The following SIPA1L1 variants were observed in gnomAD, a reference collection of about 807,000 sequenced individuals.
The protein encoded by SIPA1L1 is signal induced proliferation associated 1 like 1.
A neutral mutation model predicts 162.7 loss-of-function variants in SIPA1L1; 26 were observed. The observed-to-expected ratio is 0.16, with a 90% CI of 0.12 to 0.22. The LOEUF is 0.22. SIPA1L1 is among the 10% of genes least tolerant of loss of function. The probability of loss-of-function intolerance (pLI) is 1.00; values close to 1 mark genes in which losing one functional copy is unlikely to be tolerated. For missense variants in SIPA1L1, 1,874 were observed against 2,241.0 expected (o/e 0.84, Z 3.31); for synonymous variants, 829 against 837.4 (o/e 0.99, Z 0.17).
intron 2 of SIPA1L1, among the ~76,000 whole-genome samples, chr14:71,346,360 T>A (rs559235652): frequency 6.6e-6 from 1 of 152,290 alleles, no homozygotes; most frequent in South Asian, 2.1e-4. Flanking sequence ...GAGGTGGAAA[T>A]TTGACTAGTT....
chr14:71,389,825 G>T (rs1234461800), intron 2 of SIPA1L1, among the ~76,000 whole-genome samples: 2 of 152,164 alleles, frequency 1.3e-5, no homozygotes, highest in Non-Finnish European at 2.9e-5. Context: ...CAGACTGTCA[G>T]TGTGGTGCTG....
At chr14:71,420,176 T>C (rs1377334161) in intron 2 of SIPA1L1, among the ~76,000 whole-genome samples, 1 of 152,210 alleles carries the variant, frequency 6.6e-6, no homozygotes, top group Non-Finnish European at 1.5e-5. Context: ...TGCTTAGTAT[T>C]AGCCAGGATA....
At chr14:71,466,072 T>C (rs1333048326) in intron 2 of SIPA1L1, among the ~76,000 whole-genome samples, 2 of 152,208 alleles carry the variant, frequency 1.3e-5, no homozygotes, top group East Asian at 1.9e-4. Flanking sequence ...GGATCAATAC[T>C]TCACATCCTT....
intron 2 of SIPA1L1, among the ~76,000 whole-genome samples, chr14:71,445,986 C>G (rs2045314125): frequency 6.6e-6 from 1 of 152,086 alleles, no homozygotes; most frequent in Non-Finnish European, 1.5e-5. Flanking sequence ...GTAGCTGGGT[C>G]TACAGGCATT....
At chr14:71,468,288 T>C (rs779450763) in intron 2 of SIPA1L1, among the ~76,000 whole-genome samples, 33 of 152,220 alleles carry the variant, frequency 2.2e-4, no homozygotes, top group Non-Finnish European at 3.8e-4. Context: ...ATTCTTGCGT[T>C]GCTATAAAGA....
At chr14:71,331,654 CA>C (rs2034560059) in intron 2 of SIPA1L1, among the ~76,000 whole-genome samples, 2 of 152,204 alleles carry the variant, frequency 1.3e-5, no homozygotes, top group Non-Finnish European at 1.5e-5. Context: ...TCAGTTGCAT[CA>C]CAGTGATTTA....
chr14:71,627,077 G>T (rs1233602954), intron 7 of SIPA1L1, among the ~76,000 whole-genome samples: 1 of 137,910 alleles, frequency 7.3e-6, no homozygotes, highest in Admixed American at 7.4e-5. Flanking sequence ...AATTTTTTTA[G>T]CTTATCCAAG....
chr14:71,674,573 T>G (rs1251531279), intron 12 of SIPA1L1, among the ~76,000 whole-genome samples: 2 of 150,174 alleles, frequency 1.3e-5, no homozygotes, highest in Non-Finnish European at 3.0e-5. Flanking sequence ...TTTTTTTGTT[T>G]TTTTTTTTTT....
At chr14:71,603,451 T>G (rs964941768) in intron 5 of SIPA1L1, among the ~76,000 whole-genome samples, 2 of 152,086 alleles carry the variant, frequency 1.3e-5, no homozygotes, top group African/African-American at 4.8e-5. Flanking sequence ...TGTGATTTGG[T>G]GGTTTTCTTT....
At chr14:71,481,651 A>G (rs1170891500) in intron 2 of SIPA1L1, among the ~76,000 whole-genome samples, 3 of 152,368 alleles carry the variant, frequency 2.0e-5, no homozygotes, top group East Asian at 1.9e-4. Flanking sequence ...GTGGATTCCT[A>G]GTGAAAACAA....
intron 5 of SIPA1L1, chr14:71,598,263 G>A (rs914435193): frequency 4.1e-6 from 4 of 977,552 alleles, no homozygotes; most frequent in Admixed American, 6.2e-5. Context: ...ACAACTGATG[G>A]AAGCTAAAAT....
intron 5 of SIPA1L1, among the ~76,000 whole-genome samples, chr14:71,615,853 G>A (rs996694513): frequency 2.0e-5 from 3 of 152,036 alleles, no homozygotes; most frequent in Non-Finnish European, 2.9e-5. Flanking sequence ...AAAATTAGCC[G>A]GGCATGATGG....
intron 2 of SIPA1L1, among the ~76,000 whole-genome samples, chr14:71,342,574 A>G (rs2035774049): frequency 6.6e-6 from 1 of 152,240 alleles, no homozygotes; most frequent in Admixed American, 6.5e-5. Context: ...TCTAGGAAGC[A>G]TGTTCAGTTG....
chr14:71,395,008 G>C (rs1312970350), intron 2 of SIPA1L1, among the ~76,000 whole-genome samples: 1 of 152,170 alleles, frequency 6.6e-6, no homozygotes, highest in African/African-American at 2.4e-5. Context: ...AAATAAGAAA[G>C]AGAAAATCTA....
chr14:71,698,981 G>T lies in SIPA1L1; in HGVS notation c.3375G>T (p.Arg1125=). The T allele has an allele frequency of 6.2e-7, 1 of 1,614,102 alleles. No homozygotes were observed. The highest frequency in any genetic ancestry group is 8.5e-7 in the Non-Finnish European group (1 of 1,179,988). Residue 1125 remains arginine (R), a splice_region_variant and synonymous_variant, in exon 14 of 24, where the codon CGG becomes CGT. Transcript: ENST00000381232. ...ISSDGRPLER[R]LSPGSDIYVT... is the part of the protein sequence containing the mutation. ...TCATGTTTTTGTATTGCACATGCAG[G>T]CTGTCTCCTGGTTCGGACATCTATG...
At chr14:71,468,073 AG>A (rs1016280398) in intron 2 of SIPA1L1, among the ~76,000 whole-genome samples, 4 of 150,608 alleles carry the variant, frequency 2.7e-5, no homozygotes, top group African/African-American at 9.8e-5. Context: ...TGTCTGTTAC[AG>A]GGACTTCTCC....
rs369422528 is a variant in SIPA1L1 at position 71,633,041 on chromosome 14, T to C, written c.1818+8805T>C. Among the ~76,000 whole-genome samples, 7 of 152,308 alleles carry C rather than the reference T, an allele frequency of 4.6e-5. No homozygotes were observed. The East Asian group carries it at 1.2e-3, about 25-fold the overall frequency. On this transcript the variant is annotated intron_variant, in intron 7 of 23. Coordinates refer to ENST00000381232, the MANE Select transcript of SIPA1L1 (RefSeq NM_001386936.1). ...GCCAACACTAAGATGACACAGTTGT[T>C]AGAATTATCTAACAATGATTTTCTG... is the stretch of plus-strand genomic sequence containing the variant.
intron 2 of SIPA1L1, among the ~76,000 whole-genome samples, chr14:71,415,799 G>A (rs986938878): frequency 6.6e-6 from 1 of 152,004 alleles, no homozygotes; most frequent in African/African-American, 2.4e-5. Flanking sequence ...CCAGGTTCAA[G>A]CGATTCTCCC....
chr14:71,354,325 G>A (rs1392654535), intron 2 of SIPA1L1, among the ~76,000 whole-genome samples: 3 of 146,690 alleles, frequency 2.0e-5, no homozygotes, highest in East Asian at 2.0e-4. Flanking sequence ...TGTTGCCCAC[G>A]CTGGAGTGCA....
Sources: allele counts gnomAD v4.1 joint callset (sites outside exome capture counted in the v4.1 genomes callset), GRCh38; gene constraint gnomAD v4.1.1; transcripts MANE v1.5; gene names NCBI Gene and HGNC (gene_info 2026-07-23, HGNC 2026-07-21).